The following PSTK variants were observed in gnomAD, a reference collection of about 807,000 sequenced individuals.
PSTK encodes the protein phosphoseryl-tRNA kinase.
PSTK carries 26 observed loss-of-function variants against 38.6 expected under a neutral mutation model. The observed-to-expected ratio is 0.67, with a 90% CI of 0.49 to 0.94. PSTK has a LOEUF of 0.94. Ranked by LOEUF, PSTK falls within the 40% of genes least tolerant of loss-of-function variation. PSTK has a pLI of 0.00. For synonymous variants in PSTK, 181 were observed against 161.7 expected (o/e 1.12, Z -0.91); for missense variants, 445 against 436.3 (o/e 1.02, Z -0.18).
At position 122,990,354 on chromosome 10, in the gene PSTK, A is replaced by G; in HGVS notation, c.1058A>G (p.Tyr353Cys). The change falls in exon 6 of 6, where the codon TAT becomes TGT. Residue 353 changes from tyrosine (Y) to cysteine (C), a missense_variant. Physicochemically the swap from Tyr to Cys is radical, Grantham distance 194. Coordinates refer to ENST00000406217, the MANE Select transcript of PSTK (RefSeq NM_001363531.2). ...GAGAAAGATAATATTGTACAGAAGTATTTTTCAAAGCAGCATTAAAATTTC... is the reference window on the plus strand; with the variant it reads ...GAGAAAGATAATATTGTACAGAAGTGTTTTTCAAAGCAGCATTAAAATTTC... ...HYEKDNIVQK[Y>C]FSKQH The G allele has an allele frequency of 6.9e-7, 1 of 1,457,252 alleles. No individual in the cohort carries two copies. The highest frequency in any genetic ancestry group is 9.1e-7 in the Non-Finnish European group (1 of 1,100,276). The allele number at this position is 1,457,252 out of a possible 1,614,324, so 90.3% of individuals were successfully genotyped here.
At chr10:122,987,035 A>G (rs1010335743) in intron 5 of PSTK, 73 bp downstream of exon 5, 4 of 1,021,910 alleles carry the variant, frequency 3.9e-6, no homozygotes, top group Non-Finnish European at 6.1e-6. Flanking sequence ...CCCGACACTC[A>G]GAGTTTATTA....
chr10:122,982,486 A>G (rs1254708511), intron 1 of PSTK: 3 of 508,432 alleles, frequency 5.9e-6, no homozygotes, highest in Admixed American at 3.5e-5. Context: ...CATGATGGGC[A>G]AGGGAGAGGC....
At chr10:122,985,101 A>G (rs1791252622) in intron 3 of PSTK, 1 of 152,210 alleles carries the variant, frequency 6.6e-6, no homozygotes, top group African/African-American at 2.4e-5. Flanking sequence ...GTAAAATTCA[A>G]ACTCCTTACC....
chr10:122,990,365 C>A lies in PSTK; in HGVS notation c.1069C>A (p.Gln357Lys). ...TATTGTACAGAAGTATTTTTCAAAG[C>A]AGCATTAAAATTTCTGAACTGCCAA... ...DNIVQKYFSK[Q>K]H Residue 357 changes from glutamine to lysine, a missense_variant, in exon 6 of 6, where the codon CAG becomes AAG. By Grantham distance (53) the Gln-to-Lys change is moderately conservative. Coordinates refer to ENST00000406217, the MANE Select transcript of PSTK (RefSeq NM_001363531.2). The A allele has an allele frequency of 6.9e-7, 1 of 1,446,576 alleles. No homozygotes were observed. Among genetic ancestry groups the A allele is most frequent in the Non-Finnish European group, 9.1e-7 (1 of 1,093,268 alleles). The allele number at this position is 1,446,576 out of a possible 1,614,324, so 89.6% of individuals were successfully genotyped here.
Position 122,987,033 on chromosome 10 carries a change from T to A in PSTK, c.877+71T>A. The A allele has an allele frequency of 8.7e-6, 9 of 1,036,100 alleles. No homozygotes were observed. In the Middle Eastern group the frequency reaches 1.8e-3, roughly 209 times the overall value. 64.2% of individuals were successfully genotyped at this position (1,036,100 alleles called of 1,614,324 possible). On this transcript the variant is annotated intron_variant, in intron 5 of 5. Transcript: ENST00000406217. The stretch of plus-strand genomic sequence containing the variant: ...CTACTGCTACTGTTATTCCCGACAC[T>A]CAGAGTTTATTAGTTTTCAGTCATA...
intron 5 of PSTK, chr10:122,987,248 T>C (rs2133359932): frequency 6.7e-7 from 1 of 1,492,488 alleles, no homozygotes; most frequent in Non-Finnish European, 9.1e-7. Flanking sequence ...AGACAAAACA[T>C]GATTACATGA....
At chr10:122,985,356 G>A (rs1039902990) in intron 3 of PSTK, 3 of 152,246 alleles carry the variant, frequency 2.0e-5, no homozygotes, top group East Asian at 3.9e-4. Context: ...TCACTTTATT[G>A]TCTTTGCTCA....
At position 122,980,630 on chromosome 10, in the gene PSTK, G is replaced by A. The variant is rs1170333991; in HGVS notation, c.151G>A (p.Gly51Ser). 1.9e-6 allele frequency: 3 copies of A among 1,611,532 alleles called. No individual in the cohort carries two copies. Among genetic ancestry groups the A allele is most frequent in the African/African-American group, 2.7e-5 (2 of 74,832 alleles). ...RLQQEQGWAI[G>S]VVAYDDVMPD... ...GCAGCAGGAGCAGGGTTGGGCCATC[G>A]GTGTTGTCGCGTATGATGACGTCAT... The change falls in exon 1 of 6, where the codon GGT (glycine) becomes AGT (serine). Residue 51 changes from glycine (G) to serine (S), a missense_variant. By Grantham distance (56) the Gly-to-Ser change is moderately conservative (BLOSUM62 0). Coordinates refer to ENST00000406217, the MANE Select transcript of PSTK (RefSeq NM_001363531.2). The surrounding 1 kb of genome is among the most constrained non-coding windows in gnomAD (Gnocchi z 4.3).
chr10:122,986,290 T>TATCCCAGGCCTTACTCTAGA lies in PSTK; in HGVS notation c.708-10_708-9insATCCCAGGCCTTACTCTAGA. The stretch of plus-strand genomic sequence containing the variant: ...AGGATCTATTGTATTTTATCCCATT[T>TATCCCAGGCCTTACTCTAGA]TCTCTGTAGCCTGGAAGTGACTGAT... On this transcript the variant is annotated splice_polypyrimidine_tract_variant and intron_variant, in intron 3 of 5. Transcript: ENST00000406217. 6.3e-7 allele frequency: 1 copy of TATCCCAGGCCTTACTCTAGA among 1,575,370 alleles called. No homozygotes were observed. Among genetic ancestry groups the TATCCCAGGCCTTACTCTAGA allele is most frequent in the Non-Finnish European group, 8.6e-7 (1 of 1,160,154 alleles).
rs1334329504 is a variant in PSTK at position 122,986,866 on chromosome 10, T to C, written c.784-3T>C. On this transcript the variant is annotated splice_region_variant and splice_polypyrimidine_tract_variant and intron_variant, in intron 4 of 5. Transcript: ENST00000406217. ...TCTAATAACAATGTCTGTATTAACA[T>C]AGGACACAGACAGAATTATTTGTTC... The C allele has an allele frequency of 4.5e-6, 7 of 1,557,898 alleles. No homozygotes were observed. The highest frequency in any genetic ancestry group is 2.2e-5 in the East Asian group (1 of 44,612).
rs761640484 is a variant in PSTK at position 122,983,373 on chromosome 10, C to A, written c.610C>A (p.Leu204Met). 6 of 1,614,024 alleles carry A rather than the reference C, an allele frequency of 3.7e-6. No individual in the cohort carries two copies. The highest frequency in any genetic ancestry group is 5.1e-6 in the Non-Finnish European group (6 of 1,179,994). The change falls in exon 3 of 6, where the codon CTG becomes ATG. Residue 204 changes from leucine to methionine, a missense_variant. Leu to Met is a conservative substitution (Grantham distance 15). Coordinates refer to ENST00000406217, the MANE Select transcript of PSTK (RefSeq NM_001363531.2). ...GGCACTGCCTCCTGAGACCATCCAC[C>A]TGATGGGAAGAAAGCTAGAAAAGCC... Reference protein sequence around the residue: ...PQALPPETIHLMGRKLEKPNP... With the variant: ...PQALPPETIHMMGRKLEKPNP...
At chr10:122,986,244 A>AC in intron 3 of PSTK, 56 bp from the exon 4 acceptor site, 1 of 1,213,650 alleles carries the variant, frequency 8.2e-7, no homozygotes, top group Non-Finnish European at 1.1e-6. Flanking sequence ...AAAAAAAAAA[A>AC]AAAGTCAGAT....
Position 122,982,984 on chromosome 10 carries a change from T to A in PSTK, c.468T>A (p.Tyr156Ter). ...LFLVLDDNFYYQSMRYEVYQL... is the reference protein window; with the variant it reads ...LFLVLDDNFY Reference sequence around the variant, plus strand: ...TGGTTTTGGATGACAATTTTTATTATCAGAGTATGAGATATGAAGTCTACC... The same window carrying A: ...TGGTTTTGGATGACAATTTTTATTAACAGAGTATGAGATATGAAGTCTACC... Residue 156 changes from tyrosine to a stop codon, truncating the protein, a stop_gained, in exon 2 of 6, where the codon TAT becomes TAA. Transcript: ENST00000406217. LOFTEE classifies it high-confidence loss of function. 1 of 1,614,216 alleles carries A rather than the reference T, an allele frequency of 6.2e-7. No individual in the cohort carries two copies.
At position 122,986,871 on chromosome 10, in the gene PSTK, C is replaced by T; in HGVS notation, c.786C>T (p.Asp262=). 1.3e-6 allele frequency: 2 copies of T among 1,575,486 alleles called. No homozygotes were observed. The highest frequency in any genetic ancestry group is 1.7e-6 in the Non-Finnish European group (2 of 1,145,294). Residue 262 remains aspartate (D), a splice_region_variant and synonymous_variant, in exon 5 of 6, where the codon GAC becomes GAT. Transcript: ENST00000406217. ...TAACAATGTCTGTATTAACATAGGA[C>T]ACAGACAGAATTATTTGTTCAACTA... ...KYAEDNMEQK[D]TDRIICSTNI...
Position 122,983,009 on chromosome 10 carries a change from C to T in PSTK, c.493C>T (p.Gln165Ter), listed in dbSNP as rs1017554838. The change falls in exon 2 of 6, where the codon CAG becomes TAG. Residue 165 changes from glutamine to a stop codon, truncating the protein, a stop_gained. Coordinates refer to ENST00000406217, the MANE Select transcript of PSTK (RefSeq NM_001363531.2). LOFTEE classifies it high-confidence loss of function. ...YYQSMRYEVY[Q>*]LARKYSLGFC... ...TCAGAGTATGAGATATGAAGTCTAC[C>T]AGCTGGCTCGGAAATGTAATTAAAA... The T allele has an allele frequency of 5.0e-6, 8 of 1,607,688 alleles. No homozygotes were observed. The highest frequency in any genetic ancestry group is 1.1e-5 in the South Asian group (1 of 89,874).
In PSTK at chr10:122,983,729, A is replaced by G. The variant is rs1848997725; in HGVS notation, c.707+259A>G. On this transcript the variant is annotated intron_variant, in intron 3 of 5. Coordinates refer to ENST00000406217, the MANE Select transcript of PSTK (RefSeq NM_001363531.2). ...AGTTGGAGCAGGGAATTCAGAGAACACATCTTTGATTCTCTTGCTAAAATA... is the reference window on the plus strand; with the variant it reads ...AGTTGGAGCAGGGAATTCAGAGAACGCATCTTTGATTCTCTTGCTAAAATA... 4 of 420,816 alleles carry G rather than the reference A, an allele frequency of 9.5e-6. No individual in the cohort carries two copies. The South Asian group carries it at 1.4e-4, about 15-fold the overall frequency. 26.1% of individuals were successfully genotyped at this position (420,816 alleles called of 1,614,324 possible).
intron 5 of PSTK, among the ~76,000 whole-genome samples, chr10:122,988,323 G>A (rs527661558): frequency 3.6e-4 from 54 of 152,024 alleles, no homozygotes; most frequent in South Asian, 1.7e-3. Flanking sequence ...ATTGTGGGGG[G>A]TAGGGTTATG....
chr10:122,987,353 AG>A (rs1849048961), intron 5 of PSTK: 5 of 1,614,096 alleles, frequency 3.1e-6, no homozygotes, highest in Non-Finnish European at 4.2e-6. Flanking sequence ...AAGCCTTCTC[AG>A]AGATGACATT....
intron 1 of PSTK, chr10:122,982,147 G>A (rs910685880): frequency 1.3e-5 from 2 of 152,228 alleles, no homozygotes; most frequent in Non-Finnish European, 2.9e-5. Context: ...CAACTCATTT[G>A]TTAGCCTGAG....
Sources: allele counts gnomAD v4.1 joint callset (sites outside exome capture counted in the v4.1 genomes callset), GRCh38; gene constraint gnomAD v4.1.1; non-coding constraint Gnocchi (gnomAD v3.1); transcripts MANE v1.5; gene names NCBI Gene and HGNC (gene_info 2026-07-23, HGNC 2026-07-21).